Variants in HERC2 observed in about 807,000 individuals in gnomAD.
HERC2 encodes the protein HECT and RLD domain containing E3 ubiquitin protein ligase 2, also known as E3 ubiquitin-protein ligase HERC2.
In HERC2, 102 loss-of-function variants were observed where a neutral mutation model predicts 537.7. The ratio of observed to expected loss-of-function variants is 0.19; its 90% CI spans 0.16 to 0.22. HERC2 has a LOEUF of 0.22. Ranked by LOEUF, HERC2 falls within the 10% of genes least tolerant of loss-of-function variation. The pLI is 1.00. For missense variants in HERC2, 4,236 were observed against 6,198.2 expected, an observed-to-expected ratio of 0.68 and a Z score of 10.63; for synonymous variants, 2,224 against 2,466.2, an observed-to-expected ratio of 0.90 and a Z score of 2.91.
At position 28,255,876 on chromosome 15, in the gene HERC2, A is replaced by G; in HGVS notation, c.2867T>C (p.Ile956Thr). The G allele has an allele frequency of 6.3e-7, 1 of 1,599,370 alleles. No homozygotes were observed. Among genetic ancestry groups the G allele is most frequent in the Non-Finnish European group, 8.5e-7 (1 of 1,179,734 alleles). ...CGTGTGCCTCCAAAGCCATACCTGG[A>G]TCTCTGCAGTAATGGCTGCGTGTAA... ...SALHAAITAEIQDIEAKKEAQ... is the reference protein window; with the variant it reads ...SALHAAITAETQDIEAKKEAQ... The change falls in exon 19 of 93, where the codon ATC becomes ACC. Residue 956 changes from isoleucine (I) to threonine (T), a missense_variant. Physicochemically the swap from Ile to Thr is moderately conservative, Grantham distance 89. Transcript: ENST00000261609.
intron 10 of HERC2, 35 bp downstream of exon 10, chr15:28,270,660 A>G: frequency 1.1e-5 from 18 of 1,600,940 alleles, no homozygotes; most frequent in Non-Finnish European, 1.5e-5. Context: ...TACTAGCTAC[A>G]AAACACATGG....
intron 2 of HERC2, among the ~76,000 whole-genome samples, chr15:28,309,731 A>G (rs2076888871): frequency 6.6e-6 from 1 of 152,150 alleles, no homozygotes; most frequent in East Asian, 1.9e-4. Context: ...AGTAGAGGAT[A>G]GAACTAAGCT....
chr15:28,201,652 G>A (rs758286362), intron 47 of HERC2, 98 bp from the exon 48 acceptor site: 22 of 787,718 alleles, frequency 2.8e-5, no homozygotes, highest in Middle Eastern at 4.6e-4. Flanking sequence ...TTAAAAAGTA[G>A]AGGATGAAAT....
chr15:28,237,078 C>A lies in HERC2; in HGVS notation c.3888G>T (p.Gly1296=), dbSNP rs2346085. 3.8e-4 allele frequency: 602 copies of A among 1,571,246 alleles called. 2 individuals are homozygous for A. In the Middle Eastern group the frequency reaches 9.9e-3, roughly 26 times the overall value. ...TGTCTATCAGAGGTGAAGAGAGACTCCCCAGATCTGGTATGGTGACGATTT... is the reference window on the plus strand; with the variant it reads ...TGTCTATCAGAGGTGAAGAGAGACTACCCAGATCTGGTATGGTGACGATTT... ...DQEIVTIPDL[G]SLSSPLIDTE... The change falls in exon 26 of 93, where the codon GGG becomes GGT. Residue 1296 remains glycine (G), a synonymous_variant. Transcript: ENST00000261609.
chr15:28,183,930 G>A (rs150490465), intron 56 of HERC2, among the ~76,000 whole-genome samples: 170 of 152,292 alleles, frequency 1.1e-3, no homozygotes, highest in African/African-American at 3.8e-3. Flanking sequence ...GCTCACACCT[G>A]TAATCCTAGC....
intron 71 of HERC2, 26 bp downstream of exon 71, chr15:28,146,211 T>C (rs752719155): frequency 3.3e-6 from 5 of 1,503,158 alleles, no homozygotes; most frequent in East Asian, 2.3e-5. Context: ...GGGTAGATCA[T>C]GCCCTGCTCA....
At chr15:28,135,773 T>G in intron 78 of HERC2, 81 bp from the exon 79 acceptor site, 1 of 1,011,796 alleles carries the variant, frequency 9.9e-7, no homozygotes. Context: ...ACCTAATCCA[T>G]GCTTTAGACA....
Position 28,210,107 on chromosome 15 carries a change from G to A in HERC2, c.7069+895C>T, listed in dbSNP as rs529404162. ...CTTCCAAGTAGCTGGGATTACAGGCGGCCACCACTATGCCCCACTATTTTT... is the reference window on the plus strand; with the variant it reads ...CTTCCAAGTAGCTGGGATTACAGGCAGCCACCACTATGCCCCACTATTTTT... On this transcript the variant is annotated intron_variant, in intron 44 of 92. Transcript: ENST00000261609. Among the ~76,000 whole-genome samples the A allele has an allele frequency of 4.6e-3, 689 of 151,034 alleles. 1 individual carries two copies. The highest frequency in any genetic ancestry group is 0.016 in the African/African-American group (651 of 41,144).
At position 28,142,302 on chromosome 15, in the gene HERC2, A is replaced by G. The variant is rs1471494411; in HGVS notation, c.11636T>C (p.Met3879Thr). 6.2e-7 allele frequency: 1 copy of G among 1,614,116 alleles called. No homozygotes were observed. The highest frequency in any genetic ancestry group is 8.5e-7 in the Non-Finnish European group (1 of 1,180,038). The change falls in exon 76 of 93, where the codon ATG becomes ACG. Residue 3879 changes from methionine (M) to threonine (T), a missense_variant. This residue lies in a region of HERC2 where 156 missense variants were observed against 172.3 expected (regional missense o/e 0.91). Transcript: ENST00000261609. ...AAGGGCCACAGCAACACGGGAGGCCATGCAGTACCTCCGGAACCAGGCCCA... is the reference window on the plus strand; with the variant it reads ...AAGGGCCACAGCAACACGGGAGGCCGTGCAGTACCTCCGGAACCAGGCCCA... ...HKWAWFRRYC[M>T]ASRVAVALDK...
At chr15:28,225,477 C>T (rs747542554) in intron 35 of HERC2, among the ~76,000 whole-genome samples, 6 of 151,922 alleles carry the variant, frequency 3.9e-5, no homozygotes, top group Non-Finnish European at 7.4e-5. Context: ...GTGGGCGGAT[C>T]GCGAGGTCAA....
chr15:28,320,728 A>C (rs1220466031), intron 2 of HERC2, among the ~76,000 whole-genome samples: 2 of 151,528 alleles, frequency 1.3e-5, no homozygotes, highest in East Asian at 3.9e-4. Flanking sequence ...GGTGTAAATA[A>C]TTGTCTATCG....
chr15:28,222,279 C>T (rs1900600505), intron 35 of HERC2, 64 bp from the exon 36 acceptor site: 13 of 722,098 alleles, frequency 1.8e-5, no homozygotes, highest in Non-Finnish European at 3.2e-5. Context: ...TTAATACACA[C>T]AAAACATTCA....
chr15:28,163,439 C>T (rs148946208), intron 68 of HERC2, among the ~76,000 whole-genome samples, 154 bp from the exon 69 acceptor site: 21 of 152,276 alleles, frequency 1.4e-4, no homozygotes, highest in Non-Finnish European at 2.2e-4. Flanking sequence ...TAAGAAACGA[C>T]GGCCCCTAAA....
At chr15:28,227,849 C>A (rs764117319) in intron 35 of HERC2, among the ~76,000 whole-genome samples, 1 of 151,890 alleles carries the variant, frequency 6.6e-6, no homozygotes, top group Non-Finnish European at 1.5e-5. Flanking sequence ...ATGAAATAAC[C>A]CAGACACAAA....
At chr15:28,250,102 C>T (rs565225701) in intron 20 of HERC2, among the ~76,000 whole-genome samples, 38 of 137,704 alleles carry the variant, frequency 2.8e-4, no homozygotes, top group East Asian at 1.5e-3. Flanking sequence ...CTGCACAACA[C>T]CAAGAGTGAG....
At chr15:28,140,662 C>A (rs765947721) in intron 78 of HERC2, among the ~76,000 whole-genome samples, 3 of 151,794 alleles carry the variant, frequency 2.0e-5, no homozygotes, top group Non-Finnish European at 4.4e-5. Flanking sequence ...GCTGGGATTA[C>A]AGGCACATGT....
chr15:28,134,266 G>A (rs1488887924), intron 79 of HERC2, among the ~76,000 whole-genome samples: 1 of 152,088 alleles, frequency 6.6e-6, no homozygotes, highest in African/African-American at 2.4e-5. Flanking sequence ...TCACTTTCTG[G>A]TTACGTATAT....
chr15:28,229,428 T>C (rs749871234), intron 33 of HERC2, 32 bp downstream of exon 33: 12 of 1,613,468 alleles, frequency 7.4e-6, no homozygotes, highest in Admixed American at 5.0e-5. Context: ...CATAGCTACC[T>C]TAATTAAGAA....
chr15:28,138,915 T>G (rs569514695), intron 78 of HERC2, among the ~76,000 whole-genome samples: 1 of 152,260 alleles, frequency 6.6e-6, no homozygotes, highest in South Asian at 2.1e-4. Context: ...AATATCAACA[T>G]TAACAGGGAT....
Sources: allele counts gnomAD v4.1 joint callset (sites outside exome capture counted in the v4.1 genomes callset), GRCh38; gene constraint gnomAD v4.1.1; regional missense constraint gnomAD v4.1.1; transcripts MANE v1.5; gene names NCBI Gene and HGNC (gene_info 2026-07-23, HGNC 2026-07-21).